The following EXOC4 variants were observed in gnomAD, a reference collection of about 807,000 sequenced individuals.
The protein encoded by EXOC4 is exocyst complex component 4.
In EXOC4, 71 loss-of-function variants were observed where a neutral mutation model predicts 107.2. That is an observed-to-expected ratio of 0.66 (90% CI 0.55 to 0.81). The LOEUF (loss-of-function observed/expected upper bound fraction) is 0.81, where lower values mean the gene tolerates loss of function less well. EXOC4 is among the 30% of genes least tolerant of loss of function. EXOC4 has a pLI of 0.00. For missense variants in EXOC4, 1,108 were observed against 1,189.6 expected, an observed-to-expected ratio of 0.93 and a Z score of 1.01; for synonymous variants, 456 against 441.2, an observed-to-expected ratio of 1.03 and a Z score of -0.42.
At chr7:133,393,577 A>C (rs1796902406) in intron 7 of EXOC4, among the ~76,000 whole-genome samples, 1 of 152,124 alleles carries the variant, frequency 6.6e-6, no homozygotes, top group Non-Finnish European at 1.5e-5. Context: ...AGGCTTTGGG[A>C]AGTAATTAAG....
At chr7:133,865,917 C>G (rs1585209154) in intron 11 of EXOC4, among the ~76,000 whole-genome samples, 1 of 152,108 alleles carries the variant, frequency 6.6e-6, no homozygotes, top group African/African-American at 2.4e-5. Flanking sequence ...ATCATATCAT[C>G]AATCATTGTG....
intron 10 of EXOC4, among the ~76,000 whole-genome samples, chr7:133,804,031 G>A (rs1029824534): frequency 6.6e-6 from 1 of 152,130 alleles, no homozygotes; most frequent in African/African-American, 2.4e-5. Flanking sequence ...TCCTGATAAT[G>A]TGATATATCA....
intron 3 of EXOC4, among the ~76,000 whole-genome samples, chr7:133,304,003 A>G (rs1413470375): frequency 2.6e-5 from 4 of 152,222 alleles, no homozygotes; most frequent in Non-Finnish European, 4.4e-5. Flanking sequence ...GAAAGTTGAC[A>G]CTTGTCATAA....
rs558532934 is a variant in EXOC4, at chr7:133,941,321, T to A, written c.2206+3252T>A. 1.3e-3 allele frequency among the ~76,000 whole-genome samples: 205 copies of A among 152,222 alleles called. 1 individual carries two copies. The highest frequency in any genetic ancestry group is 4.5e-3 in the African/African-American group (187 of 41,526). ...CGAAAATTATTTTCATAGTAGAATA[T>A]CTCTTCAGATAGGACAGTAGGAGTC... On this transcript the variant is annotated intron_variant, in intron 14 of 17. Coordinates refer to ENST00000253861, the MANE Select transcript of EXOC4 (RefSeq NM_021807.4).
chr7:133,559,913 G>A (rs1309358200), intron 9 of EXOC4, among the ~76,000 whole-genome samples: 10 of 152,110 alleles, frequency 6.6e-5, no homozygotes, highest in Non-Finnish European at 1.5e-5. Flanking sequence ...TAAAAACATA[G>A]CCAGCCCTGA....
intron 7 of EXOC4, among the ~76,000 whole-genome samples, chr7:133,387,872 T>G (rs1474228916): frequency 6.6e-6 from 1 of 152,050 alleles, no homozygotes; most frequent in Non-Finnish European, 1.5e-5. Context: ...TTAAAGTAGT[T>G]GAGTTCATGG....
chr7:133,947,027 C>T (rs1417555348), intron 14 of EXOC4, among the ~76,000 whole-genome samples: 9 of 152,182 alleles, frequency 5.9e-5, no homozygotes, highest in Non-Finnish European at 1.3e-4. Flanking sequence ...ACTTTGAAGT[C>T]TGACGAACTT....
chr7:133,821,375 C>G (rs374320641), intron 11 of EXOC4, among the ~76,000 whole-genome samples: 1 of 152,172 alleles, frequency 6.6e-6, no homozygotes, highest in African/African-American at 2.4e-5. Context: ...AGTCAGTGCT[C>G]CCAGCCAGTT....
At chr7:133,258,773 T>G (rs185902744) in intron 1 of EXOC4, among the ~76,000 whole-genome samples, 1 of 152,282 alleles carries the variant, frequency 6.6e-6, no homozygotes, top group East Asian at 1.9e-4. Context: ...AACCAGGAAA[T>G]CTTGTACAGC....
At chr7:133,551,058 G>C (rs1462964169) in intron 9 of EXOC4, among the ~76,000 whole-genome samples, 1 of 152,024 alleles carries the variant, frequency 6.6e-6, no homozygotes, top group East Asian at 1.9e-4. Context: ...TTTCGTACTT[G>C]CCTACATAGC....
intron 12 of EXOC4, among the ~76,000 whole-genome samples, chr7:133,909,919 A>ATTTTTT (rs764890539): frequency 5.3e-5 from 4 of 75,478 alleles, no homozygotes; most frequent in African/African-American, 2.3e-4. Context: ...GTTGAGACAG[A>ATTTTTT]TTTTTTTTTT....
intron 3 of EXOC4, among the ~76,000 whole-genome samples, chr7:133,290,446 T>A (rs578046813): frequency 6.6e-6 from 1 of 152,326 alleles, no homozygotes; most frequent in South Asian, 2.1e-4. Context: ...TCACCTTTAG[T>A]GTTGATTTAT....
chr7:133,569,258 T>C (rs1192941679), intron 9 of EXOC4, among the ~76,000 whole-genome samples: 3 of 152,180 alleles, frequency 2.0e-5, no homozygotes, highest in Admixed American at 2.0e-4. Context: ...AATTTAATCA[T>C]GTCCACGAAT....
At chr7:133,662,044 AGGTAGTATT>A (rs1793705667) in intron 10 of EXOC4, among the ~76,000 whole-genome samples, 1 of 152,174 alleles carries the variant, frequency 6.6e-6, no homozygotes, top group Non-Finnish European at 1.5e-5. Flanking sequence ...AACTCCACGA[AGGTAGTATT>A]AAAACCCACA....
Position 133,576,375 on chromosome 7 carries a change from GTTTC to G in EXOC4, c.1418-53665_1418-53662del. The G allele has an allele frequency of 3.5e-6, 3 of 868,558 alleles. No individual in the cohort carries two copies. The South Asian group carries it at 5.3e-5, about 15-fold the overall frequency. 53.8% of individuals were successfully genotyped at this position (868,558 alleles called of 1,614,324 possible). ...CTTAAGAAAAGTGATTGGTTGGCTT[GTTTC>G]TTTCATTTTAATCTGTTGTCTCCGT... On this transcript the variant is annotated intron_variant, in intron 9 of 17. Transcript: ENST00000253861.
At chr7:133,593,293 T>G (rs1454544690) in intron 9 of EXOC4, among the ~76,000 whole-genome samples, 1 of 152,220 alleles carries the variant, frequency 6.6e-6, no homozygotes, top group Admixed American at 6.5e-5. Context: ...GAGATGCTGC[T>G]TCCTTGTTTT....
At chr7:134,029,537 A>C (rs1165329853) in intron 17 of EXOC4, among the ~76,000 whole-genome samples, 2 of 152,062 alleles carry the variant, frequency 1.3e-5, no homozygotes, top group African/African-American at 4.8e-5. Context: ...TTGCTTCATG[A>C]ATGACAAGGT....
intron 9 of EXOC4, among the ~76,000 whole-genome samples, chr7:133,621,394 A>C (rs1251162288): frequency 6.6e-6 from 1 of 152,110 alleles, no homozygotes; most frequent in African/African-American, 2.4e-5. Context: ...TATGATTTTT[A>C]TTTGTTTATG....
chr7:133,380,239 AAAAATAAAAT>A (rs10688501), intron 7 of EXOC4, among the ~76,000 whole-genome samples: 11,150 of 137,736 alleles, frequency 0.081, 530 homozygotes, highest in East Asian at 0.17. Flanking sequence ...AAAGTATAAT[AAAAATAAAAT>A]AAAATAAAAT....
Sources: allele counts gnomAD v4.1 joint callset (sites outside exome capture counted in the v4.1 genomes callset), GRCh38; gene constraint gnomAD v4.1.1; transcripts MANE v1.5; gene names NCBI Gene and HGNC (gene_info 2026-07-23, HGNC 2026-07-21).